FOXK1: variants seen among roughly 807,000 people sequenced by gnomAD.
FOXK1 encodes the protein forkhead box protein K1.
Under a neutral mutation model 51.9 loss-of-function variants are expected in FOXK1, and 19 were observed. That is an observed-to-expected ratio of 0.37 (90% CI 0.26 to 0.54). FOXK1 has a LOEUF of 0.54. FOXK1 is among the 20% of genes least tolerant of loss of function. The pLI is 0.87. For synonymous variants in FOXK1, 537 were observed against 482.6 expected (o/e 1.11, Z -1.48); for missense variants, 870 against 1,032.7 (o/e 0.84, Z 2.16).
rs1438555696 is a variant in FOXK1, at chr7:4,767,409, T to G, written c.*4945T>G. The G allele has an allele frequency of 2.0e-5, 3 of 152,268 alleles. No homozygotes were observed. The highest frequency in any genetic ancestry group is 6.5e-5 in the Admixed American group (1 of 15,286). The allele number at this position is 152,268 out of a possible 1,614,324, so 9.4% of individuals were successfully genotyped here. ...TGCTGCAAGGAGCCACCACGGGGACTGCGCCACACTCCTGATGAAAACGTG... is the reference window on the plus strand; with the variant it reads ...TGCTGCAAGGAGCCACCACGGGGACGGCGCCACACTCCTGATGAAAACGTG... On this transcript the variant is annotated 3_prime_UTR_variant, in exon 9 of 9. Coordinates refer to ENST00000328914, the MANE Select transcript of FOXK1 (RefSeq NM_001037165.2). The surrounding 1 kb of genome is among the most constrained non-coding windows in gnomAD (Gnocchi z 6.6).
Position 4,729,279 on chromosome 7 carries a change from G to C in FOXK1, c.561-11559G>C, listed in dbSNP as rs1780419406. ...TGGGCCAGGCAGGGTTGTCTGGGGA[G>C]TGGAACGTCTGCTAGAAATGCAGAT... On this transcript the variant is annotated intron_variant, in intron 1 of 8. Coordinates refer to ENST00000328914, the MANE Select transcript of FOXK1 (RefSeq NM_001037165.2). This position sits in a 1 kb window ranked among gnomAD's most constrained non-coding sequence, Gnocchi z 6.2. Among the ~76,000 whole-genome samples, 1 of 152,184 alleles carries C rather than the reference G, an allele frequency of 6.6e-6. No individual in the cohort carries two copies. Among genetic ancestry groups the C allele is most frequent in the African/African-American group, 2.4e-5 (1 of 41,448 alleles).
intron 1 of FOXK1, among the ~76,000 whole-genome samples, chr7:4,697,741 CTGTGTGTGTGTGTGTGTGTGTGTGTG>C (rs57978112): frequency 2.2e-5 from 3 of 135,596 alleles, no homozygotes; most frequent in Admixed American, 7.4e-5. Context: ...GAAAGATAGG[CTGTGTGTGTGTGTGTGTGTGTGTGTG>C]TGTGTGTGTG....
rs1780995837 is a variant in FOXK1 at position 4,765,324 on chromosome 7, T to A, written c.*2860T>A. ...GTTGCATGTCCCGGCCACAAAGCCC[T>A]CCCTGTGTGCCCTGAGCCAGCCCAG... On this transcript the variant is annotated 3_prime_UTR_variant, in exon 9 of 9. Transcript: ENST00000328914. The A allele has an allele frequency of 6.6e-6, 1 of 152,264 alleles. No homozygotes were observed. The highest frequency in any genetic ancestry group is 1.5e-5 in the Non-Finnish European group (1 of 68,084). 9.4% of individuals were successfully genotyped at this position (152,264 alleles called of 1,614,324 possible). A position where few individuals can be genotyped will look rare whatever the true frequency, so the allele number is the denominator to read the frequency against.
Position 4,748,556 on chromosome 7 carries a change from A to G in FOXK1, c.747-5903A>G, listed in dbSNP as rs1780735331. ...CTGGGGCCCCTCTGACCATGGGATC[A>G]TCTTCTCCACCATCCTGGGAATCCC... On this transcript the variant is annotated intron_variant, in intron 2 of 8. Transcript: ENST00000328914. The surrounding 1 kb of genome is among the most constrained non-coding windows in gnomAD (Gnocchi z 4.9). Among the ~76,000 whole-genome samples the G allele has an allele frequency of 6.6e-6, 1 of 152,184 alleles. No homozygotes were observed. The highest frequency in any genetic ancestry group is 2.1e-4 in the South Asian group (1 of 4,816).
At chr7:4,721,990 C>T (rs1440443244) in intron 1 of FOXK1, among the ~76,000 whole-genome samples, 3 of 152,200 alleles carry the variant, frequency 2.0e-5, no homozygotes, top group African/African-American at 2.4e-5. Flanking sequence ...CGCGCACAGC[C>T]GTGTTACTTT....
chr7:4,745,608 AG>A lies in FOXK1; in HGVS notation c.746+4587del, dbSNP rs1322914329. On this transcript the variant is annotated intron_variant, in intron 2 of 8. Coordinates refer to ENST00000328914, the MANE Select transcript of FOXK1 (RefSeq NM_001037165.2). The surrounding 1 kb of genome is among the most constrained non-coding windows in gnomAD (Gnocchi z 4.3). ...ACCTTTTCTTTCCTTTTTGCAAAGAAGGATTTTTACAGGCCAGGCGCCCGGT... is the reference window on the plus strand; with the variant it reads ...ACCTTTTCTTTCCTTTTTGCAAAGAAGATTTTTACAGGCCAGGCGCCCGGT... Among the ~76,000 whole-genome samples the A allele has an allele frequency of 6.6e-6, 1 of 152,196 alleles. No individual in the cohort carries two copies. Among genetic ancestry groups the A allele is most frequent in the Non-Finnish European group, 1.5e-5 (1 of 68,040 alleles).
chr7:4,703,685 G>C lies in FOXK1; in HGVS notation c.560+20817G>C, dbSNP rs943780535. On this transcript the variant is annotated intron_variant, in intron 1 of 8. Transcript: ENST00000328914. This position sits in a 1 kb window ranked among gnomAD's most constrained non-coding sequence, Gnocchi z 5.6. ...CCGGGTAGAGCTGCAGCTGGGGACT[G>C]GTGCGCCATGCAATTGACATAGCGC... Among the ~76,000 whole-genome samples the C allele has an allele frequency of 6.6e-6, 1 of 152,202 alleles. No homozygotes were observed. Among genetic ancestry groups the C allele is most frequent in the Non-Finnish European group, 1.5e-5 (1 of 68,042 alleles).
intron 1 of FOXK1, among the ~76,000 whole-genome samples, chr7:4,725,885 G>T (rs1269989297): frequency 2.0e-5 from 3 of 152,268 alleles, no homozygotes; most frequent in Admixed American, 6.5e-5. Flanking sequence ...GCTGGCAGGG[G>T]TGTGGGTTTG....
intron 1 of FOXK1, among the ~76,000 whole-genome samples, chr7:4,702,954 C>T (rs776262738): frequency 5.9e-5 from 9 of 152,134 alleles, no homozygotes; most frequent in Non-Finnish European, 7.4e-5. Context: ...CCTTTGTCCT[C>T]GTCCCCAGGG....
chr7:4,702,155 A>G (rs539319897), intron 1 of FOXK1, among the ~76,000 whole-genome samples: 19 of 152,256 alleles, frequency 1.2e-4, no homozygotes, highest in Admixed American at 1.2e-3. Context: ...ATATTTTGTC[A>G]TGTTTTTAAG....
chr7:4,711,400 G>A lies in FOXK1; in HGVS notation c.560+28532G>A, dbSNP rs762875914. Among the ~76,000 whole-genome samples the A allele has an allele frequency of 2.0e-4, 31 of 152,112 alleles. No individual in the cohort carries two copies. Among genetic ancestry groups the A allele is most frequent in the African/African-American group, 2.4e-4 (10 of 41,422 alleles). ...GTCCGGGGGTGGGTCCCAGCCAGCCGCCAGCTCTCCCTGGAGTGATTCCTG... is the reference window on the plus strand; with the variant it reads ...GTCCGGGGGTGGGTCCCAGCCAGCCACCAGCTCTCCCTGGAGTGATTCCTG... On this transcript the variant is annotated intron_variant, in intron 1 of 8. Coordinates refer to ENST00000328914, the MANE Select transcript of FOXK1 (RefSeq NM_001037165.2). This position sits in a 1 kb window ranked among gnomAD's most constrained non-coding sequence, Gnocchi z 6.3.
At chr7:4,744,066 A>G (rs546867356) in intron 2 of FOXK1, among the ~76,000 whole-genome samples, 1 of 152,070 alleles carries the variant, frequency 6.6e-6, no homozygotes, top group Non-Finnish European at 1.5e-5. Context: ...TTTAGTAGAG[A>G]TGGGGTTTCA....
At chr7:4,702,990 G>A (rs963873933) in intron 1 of FOXK1, among the ~76,000 whole-genome samples, 1 of 152,150 alleles carries the variant, frequency 6.6e-6, no homozygotes, top group Non-Finnish European at 1.5e-5. Flanking sequence ...GTCCTCCTGA[G>A]CTCCTGGCCT....
intron 2 of FOXK1, among the ~76,000 whole-genome samples, chr7:4,751,858 G>A (rs1425654089): frequency 6.6e-6 from 1 of 152,240 alleles, no homozygotes; most frequent in African/African-American, 2.4e-5. Flanking sequence ...CTACTCTCTC[G>A]CCTGTGGGAG....
chr7:4,751,277 T>A (rs1403333167), intron 2 of FOXK1, among the ~76,000 whole-genome samples: 1 of 150,928 alleles, frequency 6.6e-6, no homozygotes, highest in Non-Finnish European at 1.5e-5. Flanking sequence ...CCTCGGGTAA[T>A]CCCAAAAGCA....
intron 1 of FOXK1, among the ~76,000 whole-genome samples, chr7:4,720,942 C>T (rs1365075601): frequency 6.6e-6 from 1 of 151,950 alleles, no homozygotes; most frequent in African/African-American, 2.4e-5. Flanking sequence ...ACTCAACACA[C>T]GTGTTAGTCA....
rs571614334 is a variant in FOXK1, at chr7:4,748,412, T to C, written c.747-6047T>C. ...ATGAGCGTTTTCTGTATTAGAACTG[T>C]GTAGTGATTGTAGCGCTTAGCCATT... On this transcript the variant is annotated intron_variant, in intron 2 of 8. Coordinates refer to ENST00000328914, the MANE Select transcript of FOXK1 (RefSeq NM_001037165.2). The surrounding 1 kb of genome is among the most constrained non-coding windows in gnomAD (Gnocchi z 4.9). 6.6e-6 allele frequency among the ~76,000 whole-genome samples: 1 copy of C among 152,340 alleles called. No individual in the cohort carries two copies. Among genetic ancestry groups the C allele is most frequent in the East Asian group, 1.9e-4 (1 of 5,180 alleles).
In FOXK1 at chr7:4,743,485, G is replaced by A. The variant is rs973794273; in HGVS notation, c.746+2462G>A. 6.6e-6 allele frequency among the ~76,000 whole-genome samples: 1 copy of A among 152,202 alleles called. No individual in the cohort carries two copies. The highest frequency in any genetic ancestry group is 2.4e-5 in the African/African-American group (1 of 41,460). On this transcript the variant is annotated intron_variant, in intron 2 of 8. Coordinates refer to ENST00000328914, the MANE Select transcript of FOXK1 (RefSeq NM_001037165.2). The surrounding 1 kb of genome is among the most constrained non-coding windows in gnomAD (Gnocchi z 5.3). ...GACTGGCTTGAACCCAGGAGGTGAA[G>A]GTTGCAGTGAGCTGAGATCACGCGA... is the stretch of plus-strand genomic sequence containing the variant.
rs117884089 is a variant in FOXK1, at chr7:4,730,917, A to G, written c.561-9921A>G. Among the ~76,000 whole-genome samples the G allele has an allele frequency of 0.038, 5,825 of 152,264 alleles. 188 individuals are homozygous for G. The highest frequency in any genetic ancestry group is 0.092 in the Middle Eastern group (27 of 294). On this transcript the variant is annotated intron_variant, in intron 1 of 8. Coordinates refer to ENST00000328914, the MANE Select transcript of FOXK1 (RefSeq NM_001037165.2). The surrounding 1 kb of genome is among the most constrained non-coding windows in gnomAD (Gnocchi z 4.7). The stretch of plus-strand genomic sequence containing the variant: ...CGCGGTGGCTCACTCCTGCAATCCC[A>G]GCACTTTGGGAGGCCGAGGCAGGAG...
Sources: gnomAD v4.1 joint callset for allele counts (sites outside exome capture counted in the v4.1 genomes callset) on GRCh38, gnomAD v4.1.1 for gene constraint, Gnocchi (gnomAD v3.1) non-coding constraint, MANE v1.5 for transcripts, NCBI Gene and HGNC (gene_info 2026-07-23, HGNC 2026-07-21) for gene names.